The following CHM variants were observed in gnomAD, a reference collection of about 807,000 sequenced individuals.
CHM encodes rab proteins geranylgeranyltransferase component A 1.
CHM carries 10 observed loss-of-function variants against 49.0 expected under a neutral mutation model. The observed-to-expected ratio is 0.20, with a 90% CI of 0.13 to 0.35. The LOEUF is 0.35. Ranked by LOEUF, CHM falls within the 10% of genes least tolerant of loss-of-function variation. The pLI, the probability that CHM is intolerant of heterozygous loss-of-function variation, is 1.00. For synonymous variants in CHM, 184 were observed against 167.5 expected (o/e 1.10, Z -0.76); for missense variants, 455 against 478.4 (o/e 0.95, Z 0.46).
At chrX:85,972,491 G>A (rs988650938) in intron 4 of CHM, among the ~76,000 whole-genome samples, 5 of 113,200 alleles carry the variant, frequency 4.4e-5, no homozygotes, top group Admixed American at 9.2e-5. Context: ...CTGCAGTCCC[G>A]AGGCCTGCCC....
intron 8 of CHM, among the ~76,000 whole-genome samples, chrX:85,925,086 C>T (rs1197547028): frequency 9.0e-6 from 1 of 111,096 alleles, no homozygotes; most frequent in African/African-American, 3.3e-5. Context: ...GTAATTGTAC[C>T]AGGGGTCCAG....
At chrX:85,928,415 C>T (rs762134241) in intron 8 of CHM, among the ~76,000 whole-genome samples, 6 of 109,972 alleles carry the variant, frequency 5.5e-5, no homozygotes, top group Admixed American at 1.9e-4. Flanking sequence ...TGGTGGCGGG[C>T]GCCTGCAGTC....
At chrX:86,043,325 C>T (rs946491237) in intron 1 of CHM, among the ~76,000 whole-genome samples, 3 of 111,413 alleles carry the variant, frequency 2.7e-5, no homozygotes, top group African/African-American at 9.8e-5. Context: ...GCAAGATAAT[C>T]AGGATTTAGG....
intron 2 of CHM, among the ~76,000 whole-genome samples, chrX:86,006,942 A>T (rs1453646341): frequency 2.7e-5 from 3 of 111,774 alleles, no homozygotes; most frequent in Non-Finnish European, 1.9e-5. Context: ...AAAAGAGCCC[A>T]CTTTGCCAAG....
chrX:86,039,858 G>A (rs189852330), intron 1 of CHM, among the ~76,000 whole-genome samples: 16 of 111,475 alleles, frequency 1.4e-4, no homozygotes, highest in African/African-American at 4.9e-4. Flanking sequence ...CCTTGACAGC[G>A]TAACTTCGAA....
At chrX:85,935,240 G>C in intron 8 of CHM, among the ~76,000 whole-genome samples, 1 of 111,381 alleles carries the variant, frequency 9.0e-6, no homozygotes. Context: ...GTGAAATAGA[G>C]TGAGAACTCA....
Position 85,963,682 on chromosome X carries a change from T to G in CHM, c.685A>C (p.Ile229Leu). The change falls in exon 5 of 15, where the codon ATT becomes CTT. Residue 229 changes from isoleucine to leucine, a missense_variant. Physicochemically the swap from Ile to Leu is conservative, Grantham distance 5. Transcript: ENST00000357749. Reference protein sequence around the residue: ...QIIKEGRRFNIDLVSKLLYSR... With the variant: ...QIIKEGRRFNLDLVSKLLYSR... ...GTACTTACCTTTGATACTAAATCAA[T>G]ATTAAATCTCCTGCCTTCTTTAATA... is the stretch of plus-strand genomic sequence containing the variant. 8.3e-7 allele frequency: 1 copy of G among 1,200,846 alleles called. No homozygotes were observed. The highest frequency in any genetic ancestry group is 1.1e-6 in the Non-Finnish European group (1 of 886,455).
chrX:85,932,455 T>A (rs887267856), intron 8 of CHM, among the ~76,000 whole-genome samples: 5 of 112,431 alleles, frequency 4.4e-5, no homozygotes, highest in African/African-American at 1.6e-4. Context: ...AATATTTCTT[T>A]TCTCATATAA....
intron 8 of CHM, among the ~76,000 whole-genome samples, chrX:85,940,043 G>C (rs1569419946): frequency 8.9e-6 from 1 of 111,917 alleles, no homozygotes; most frequent in Non-Finnish European, 1.9e-5. Context: ...GCTATACAGA[G>C]AGCATGGCTG....
At chrX:85,926,232 T>C (rs191734388) in intron 8 of CHM, among the ~76,000 whole-genome samples, 251 of 111,748 alleles carry the variant, frequency 2.2e-3, no homozygotes, top group African/African-American at 7.9e-3. Context: ...CCATATTGTG[T>C]TTAAACTAGA....
chrX:85,888,621 T>C (rs1391702359), intron 12 of CHM, among the ~76,000 whole-genome samples: 2 of 110,753 alleles, frequency 1.8e-5, no homozygotes, highest in Admixed American at 1.9e-4. Flanking sequence ...AATGGCAGAG[T>C]CCCCTGGGTT....
chrX:85,906,149 T>C (rs867120505), intron 9 of CHM, among the ~76,000 whole-genome samples: 1 of 111,791 alleles, frequency 8.9e-6, no homozygotes, highest in Non-Finnish European at 1.9e-5. Flanking sequence ...TTGTGAATAG[T>C]GTAGAGACAG....
intron 4 of CHM, chrX:85,970,328 T>G: frequency 1.3e-6 from 1 of 748,163 alleles, no homozygotes; most frequent in Non-Finnish European, 1.6e-6. Flanking sequence ...AATTTCTCAT[T>G]ACAGATATAA....
rs370736422 is a variant in CHM, at chrX:86,001,354, C to CA, written c.117-19546dup. ...AAATAAATCATGACATGTTCATCTG[C>CA]AAAAAAAAAAAAATACTATACTGCC... On this transcript the variant is annotated intron_variant, in intron 2 of 14. Transcript: ENST00000357749. Among the ~76,000 whole-genome samples the CA allele has an allele frequency of 7.1e-3, 674 of 94,775 alleles. 5 individuals are homozygous for CA. The highest frequency in any genetic ancestry group is 0.011 in the South Asian group (24 of 2,103). The allele number at this position is 94,775 out of a possible 115,157, so 82.3% of individuals were successfully genotyped here.
chrX:85,896,192 T>C (rs1603242600), intron 11 of CHM, among the ~76,000 whole-genome samples: 1 of 105,618 alleles, frequency 9.5e-6, no homozygotes, highest in African/African-American at 3.4e-5. Flanking sequence ...GAAAACTCTC[T>C]ACAGGGAACA....
intron 12 of CHM, among the ~76,000 whole-genome samples, chrX:85,879,989 T>C (rs1924663129): frequency 9.0e-6 from 1 of 110,543 alleles, no homozygotes; most frequent in East Asian, 2.8e-4. Context: ...TCAAATTTTA[T>C]CATGAAAGCC....
chrX:85,920,134 C>T (rs1392526846), intron 8 of CHM, among the ~76,000 whole-genome samples: 3 of 107,974 alleles, frequency 2.8e-5, no homozygotes, highest in Non-Finnish European at 5.8e-5. Flanking sequence ...CTCGCTCTGT[C>T]GCCCAGGCTG....
chrX:85,879,866 C>T (rs968271151), intron 12 of CHM, among the ~76,000 whole-genome samples: 9 of 109,433 alleles, frequency 8.2e-5, no homozygotes, highest in African/African-American at 3.0e-4. Context: ...GTACCAGTAC[C>T]GAGAAATTCC....
chrX:85,879,588 C>T (rs191397747), intron 12 of CHM, among the ~76,000 whole-genome samples: 9 of 111,711 alleles, frequency 8.1e-5, no homozygotes, highest in Admixed American at 3.8e-4. Flanking sequence ...TTTCCTTTTG[C>T]ATTTACAGAG....
Sources: allele counts gnomAD v4.1 joint callset (sites outside exome capture counted in the v4.1 genomes callset), GRCh38; gene constraint gnomAD v4.1.1; transcripts MANE v1.5; gene names NCBI Gene and HGNC (gene_info 2026-07-23, HGNC 2026-07-21).